CCSER1: variants seen among roughly 807,000 people sequenced by gnomAD.
CCSER1 encodes the protein serine-rich coiled-coil domain-containing protein 1.
A neutral mutation model predicts 82.0 loss-of-function variants in CCSER1; 41 were observed. The observed-to-expected ratio is 0.50, with a 90% CI of 0.39 to 0.65. The LOEUF is 0.65. CCSER1 is among the 30% of genes least tolerant of loss of function. The probability of loss-of-function intolerance (pLI) is 0.00; values close to 1 mark genes in which losing one functional copy is unlikely to be tolerated. For missense variants in CCSER1, 1,119 were observed against 1,064.2 expected (o/e 1.05, Z -0.72); for synonymous variants, 414 against 383.9 (o/e 1.08, Z -0.92).
chr4:90,321,790 T>C (rs1737194807), intron 3 of CCSER1, among the ~76,000 whole-genome samples: 1 of 152,154 alleles, frequency 6.6e-6, no homozygotes, highest in Admixed American at 6.6e-5. Flanking sequence ...CTTGTCTTCT[T>C]TTGAGAAATG....
At chr4:91,075,102 G>A (rs554872830) in intron 9 of CCSER1, among the ~76,000 whole-genome samples, 1 of 152,048 alleles carries the variant, frequency 6.6e-6, no homozygotes, top group South Asian at 2.1e-4. Flanking sequence ...AGACAAAGTG[G>A]GTCTGTATGC....
chr4:90,611,063 T>C lies in CCSER1; in HGVS notation c.1725-16962T>C, dbSNP rs1307822828. Among the ~76,000 whole-genome samples, 8 of 130,484 alleles carry C rather than the reference T, an allele frequency of 6.1e-5. No individual in the cohort carries two copies. The East Asian group carries it at 7.5e-4, about 12-fold the overall frequency. 85.6% of individuals were successfully genotyped at this position (130,484 alleles called of 152,430 possible). A position where few individuals can be genotyped will look rare whatever the true frequency, so the allele number is the denominator to read the frequency against. ...TGGCTAATTTTCTTTTCTTTTCTTT[T>C]TTTTTTTTTTTTTTTTGTAGAGATA... is the stretch of plus-strand genomic sequence containing the variant. On this transcript the variant is annotated intron_variant, in intron 5 of 10. Coordinates refer to ENST00000509176, the MANE Select transcript of CCSER1 (RefSeq NM_001145065.2).
At chr4:91,399,032 G>T (rs1007376268) in intron 10 of CCSER1, among the ~76,000 whole-genome samples, 32 of 151,976 alleles carry the variant, frequency 2.1e-4, no homozygotes, top group African/African-American at 7.7e-4. Flanking sequence ...AACATTAAAA[G>T]AAATCGTGAG....
intron 10 of CCSER1, among the ~76,000 whole-genome samples, chr4:91,285,793 C>T (rs1196570580): frequency 6.6e-6 from 1 of 151,656 alleles, no homozygotes; most frequent in Non-Finnish European, 1.5e-5. Context: ...AGAAGAATCT[C>T]CTTGAGTATT....
intron 10 of CCSER1, among the ~76,000 whole-genome samples, chr4:91,282,575 C>T (rs1528565): frequency 6.6e-6 from 1 of 152,122 alleles, no homozygotes; most frequent in Non-Finnish European, 1.5e-5. Flanking sequence ...TAACCTCTCC[C>T]TAAATAGATT....
At chr4:90,170,487 A>G (rs988006717) in intron 1 of CCSER1, among the ~76,000 whole-genome samples, 7 of 150,384 alleles carry the variant, frequency 4.7e-5, no homozygotes, top group African/African-American at 1.2e-4. Context: ...TTCTAATTAT[A>G]TTTTTCACCA....
chr4:90,747,564 C>T (rs1019418384), intron 7 of CCSER1, among the ~76,000 whole-genome samples: 3 of 151,518 alleles, frequency 2.0e-5, no homozygotes, highest in Non-Finnish European at 2.9e-5. Context: ...ATTTAATCTA[C>T]CTGTTTTCAG....
chr4:90,971,970 A>G lies in CCSER1; in HGVS notation c.2172+48523A>G, dbSNP rs569917517. ...TTCTCATGATAAATACTATCAATAT[A>G]TTGGATAAAGAAAGAATGTACCTCA... On this transcript the variant is annotated intron_variant, in intron 9 of 10. Transcript: ENST00000509176. 7.9e-5 allele frequency among the ~76,000 whole-genome samples: 12 copies of G among 152,086 alleles called. No individual in the cohort carries two copies. In the South Asian group the frequency reaches 2.5e-3, roughly 32 times the overall value.
Position 90,308,916 on chromosome 4 carries a change from T to C in CCSER1, c.632T>C (p.Leu211Ser). 6.2e-7 allele frequency: 1 copy of C among 1,613,888 alleles called. No individual in the cohort carries two copies. Among genetic ancestry groups the C allele is most frequent in the Admixed American group, 1.7e-5 (1 of 59,974 alleles). Residue 211 changes from leucine to serine, a missense_variant, in exon 2 of 11, where the codon TTG becomes TCG. Transcript: ENST00000509176. ...TTGGTACAACAGTCTGAATTCTCAT[T>C]GGAAGTTACACAGTACCAAGAGAGA... ...ISLVQQSEFS[L>S]EVTQYQEREP...
At position 91,384,955 on chromosome 4, in the gene CCSER1, G is replaced by A. The variant is rs567518721; in HGVS notation, c.2218-213617G>A. 3.3e-5 allele frequency among the ~76,000 whole-genome samples: 5 copies of A among 152,140 alleles called. No individual in the cohort carries two copies. In the South Asian group the frequency reaches 1.0e-3, roughly 32 times the overall value. Reference sequence around the variant, plus strand: ...AAATACACTGTTGGCAAGGCTGTGGGAAACAGTCATTCTCATGCATTGCAT... The same window carrying A: ...AAATACACTGTTGGCAAGGCTGTGGAAAACAGTCATTCTCATGCATTGCAT... On this transcript the variant is annotated intron_variant, in intron 10 of 10. Transcript: ENST00000509176.
At chr4:91,373,637 T>C (rs1486812167) in intron 10 of CCSER1, among the ~76,000 whole-genome samples, 1 of 152,116 alleles carries the variant, frequency 6.6e-6, no homozygotes, top group Non-Finnish European at 1.5e-5. Context: ...GACACAACAA[T>C]GTTGACATTA....
At chr4:91,031,302 G>T (rs915733644) in intron 9 of CCSER1, among the ~76,000 whole-genome samples, 2 of 152,072 alleles carry the variant, frequency 1.3e-5, no homozygotes, top group Non-Finnish European at 2.9e-5. Flanking sequence ...CTGATACAAT[G>T]CCTGGAATAC....
At chr4:90,819,672 G>A (rs1312926807) in intron 8 of CCSER1, among the ~76,000 whole-genome samples, 2 of 152,088 alleles carry the variant, frequency 1.3e-5, no homozygotes. Flanking sequence ...ATGTATTTTT[G>A]TATTTTATAG....
At chr4:90,268,499 A>G (rs962626615) in intron 1 of CCSER1, among the ~76,000 whole-genome samples, 1 of 152,140 alleles carries the variant, frequency 6.6e-6, no homozygotes, top group African/African-American at 2.4e-5. Context: ...GTTATACTAT[A>G]TTATTTGCAA....
intron 6 of CCSER1, among the ~76,000 whole-genome samples, chr4:90,686,363 G>A (rs1734818721): frequency 6.6e-6 from 1 of 151,950 alleles, no homozygotes; most frequent in Non-Finnish European, 1.5e-5. Context: ...TTTACTAGAT[G>A]AATAATGCCT....
chr4:90,424,774 A>G (rs770762895), intron 4 of CCSER1, among the ~76,000 whole-genome samples: 1 of 152,120 alleles, frequency 6.6e-6, no homozygotes. Flanking sequence ...CCTGCTAGCA[A>G]TTTTATCGGA....
intron 3 of CCSER1, among the ~76,000 whole-genome samples, chr4:90,363,991 T>C (rs184353381): frequency 2.8e-4 from 42 of 152,228 alleles, no homozygotes; most frequent in African/African-American, 9.9e-4. Context: ...GAGCATTTTT[T>C]TATGTGAAAG....
chr4:91,523,481 T>C (rs748775458), intron 10 of CCSER1, among the ~76,000 whole-genome samples: 8 of 152,154 alleles, frequency 5.3e-5, no homozygotes, highest in Non-Finnish European at 8.8e-5. Flanking sequence ...CTGGTAGAAT[T>C]CGGCTGGGAA....
At chr4:90,556,341 A>G (rs1778136149) in intron 5 of CCSER1, among the ~76,000 whole-genome samples, 1 of 152,172 alleles carries the variant, frequency 6.6e-6, no homozygotes, top group Non-Finnish European at 1.5e-5. Flanking sequence ...AACAAGGAGA[A>G]CAAGACCAAT....
Sources: allele counts gnomAD v4.1 joint callset (sites outside exome capture counted in the v4.1 genomes callset), GRCh38; gene constraint gnomAD v4.1.1; transcripts MANE v1.5; gene names NCBI Gene and HGNC (gene_info 2026-07-23, HGNC 2026-07-21).